The following ASAP1 variants were observed in gnomAD, a reference collection of about 807,000 sequenced individuals.
ASAP1 encodes arf-GAP with SH3 domain, ANK repeat and PH domain-containing protein 1.
Under a neutral mutation model 145.2 loss-of-function variants are expected in ASAP1, and 43 were observed. The ratio of observed to expected loss-of-function variants is 0.30; its 90% CI spans 0.23 to 0.38. The LOEUF is 0.38. Ranked by LOEUF, ASAP1 falls within the 10% of genes least tolerant of loss-of-function variation. The pLI is 1.00. For missense variants in ASAP1, 1,018 were observed against 1,355.3 expected, an observed-to-expected ratio of 0.75 and a Z score of 3.91; for synonymous variants, 546 against 515.5, an observed-to-expected ratio of 1.06 and a Z score of -0.80.
At chr8:130,342,380 C>T (rs1474828130) in intron 3 of ASAP1, among the ~76,000 whole-genome samples, 2 of 152,154 alleles carry the variant, frequency 1.3e-5, no homozygotes, top group South Asian at 2.1e-4. Flanking sequence ...GTAACAGAGG[C>T]CTTCTGTAAA....
rs201145957 is a variant in ASAP1 at position 130,093,408 on chromosome 8, TG to T, written c.2402-1266del. ...AGGACCAGGCACGGTGGCTCTCGCC[TG>T]TAACTCCAGCACTTTGAGAGGCCGA... is the stretch of plus-strand genomic sequence containing the variant. On this transcript the variant is annotated intron_variant, in intron 24 of 29. Transcript: ENST00000518721. 8.3e-3 allele frequency among the ~76,000 whole-genome samples: 1,267 copies of T among 152,264 alleles called. 19 individuals carry two copies. The highest frequency in any genetic ancestry group is 0.029 in the African/African-American group (1,220 of 41,560).
intron 3 of ASAP1, among the ~76,000 whole-genome samples, chr8:130,265,092 A>G (rs1055554594): frequency 6.6e-6 from 1 of 152,174 alleles, no homozygotes; most frequent in Admixed American, 6.5e-5. Context: ...TCATGGCAAC[A>G]AAGGGCTGCT....
intron 3 of ASAP1, among the ~76,000 whole-genome samples, chr8:130,251,120 T>C (rs879648550): frequency 6.6e-6 from 1 of 152,196 alleles, no homozygotes; most frequent in Non-Finnish European, 1.5e-5. Context: ...TATAGAACAC[T>C]AAATTTTTTA....
At chr8:130,402,605 A>C (rs1447114315) in intron 1 of ASAP1, among the ~76,000 whole-genome samples, 2 of 152,166 alleles carry the variant, frequency 1.3e-5, no homozygotes, top group Non-Finnish European at 1.5e-5. Flanking sequence ...AATTGAGCCA[A>C]GGGACCTCCT....
chr8:130,178,434 C>G (rs1814116521), intron 9 of ASAP1, among the ~76,000 whole-genome samples: 1 of 152,108 alleles, frequency 6.6e-6, no homozygotes, highest in African/African-American at 2.4e-5. Flanking sequence ...ACAAACATAA[C>G]AAAAAGATAG....
At chr8:130,313,885 C>T (rs34962169) in intron 3 of ASAP1, among the ~76,000 whole-genome samples, 8,258 of 152,214 alleles carry the variant, frequency 0.054, 258 homozygotes, top group Admixed American at 0.094. Flanking sequence ...CCACTGCACT[C>T]GACACCACGT....
intron 29 of ASAP1, among the ~76,000 whole-genome samples, chr8:130,056,040 C>T (rs1428278599): frequency 6.6e-6 from 1 of 152,230 alleles, no homozygotes; most frequent in Non-Finnish European, 1.5e-5. Flanking sequence ...CTTCCCATTC[C>T]CCGCAGGTAT....
chr8:130,363,206 T>C (rs1826797298), intron 2 of ASAP1, among the ~76,000 whole-genome samples: 1 of 152,170 alleles, frequency 6.6e-6, no homozygotes, highest in Admixed American at 6.5e-5. Context: ...TATGGGAACT[T>C]TGAAAACCTT....
chr8:130,201,431 G>T (rs1397962615), intron 5 of ASAP1, among the ~76,000 whole-genome samples: 1 of 152,192 alleles, frequency 6.6e-6, no homozygotes, highest in African/African-American at 2.4e-5. Context: ...AGGTCTAAGA[G>T]TACCAGGGAA....
chr8:130,150,544 G>C (rs1187467180), intron 13 of ASAP1, among the ~76,000 whole-genome samples: 1 of 152,150 alleles, frequency 6.6e-6, no homozygotes, highest in Non-Finnish European at 1.5e-5. Context: ...CAAATCCCAG[G>C]GGAGAGCTCT....
chr8:130,389,779 C>T (rs749960188), intron 2 of ASAP1, among the ~76,000 whole-genome samples: 37 of 152,228 alleles, frequency 2.4e-4, no homozygotes, highest in Non-Finnish European at 4.4e-4. Context: ...CGGCTCACTG[C>T]GGCCTCAACT....
At chr8:130,109,873 A>G (rs1199241908) in intron 24 of ASAP1, among the ~76,000 whole-genome samples, 1 of 152,234 alleles carries the variant, frequency 6.6e-6, no homozygotes, top group Non-Finnish European at 1.5e-5. Context: ...CAGACAGGCC[A>G]AATCTCTGAA....
At chr8:130,166,685 C>A (rs1006523137) in intron 11 of ASAP1, among the ~76,000 whole-genome samples, 1 of 152,002 alleles carries the variant, frequency 6.6e-6, no homozygotes, top group African/African-American at 2.4e-5. Flanking sequence ...AGCTTAGTAC[C>A]TAGAACTGTG....
chr8:130,295,259 G>C (rs1293158322), intron 3 of ASAP1, among the ~76,000 whole-genome samples: 1 of 152,130 alleles, frequency 6.6e-6, no homozygotes, highest in African/African-American at 2.4e-5. Flanking sequence ...CTCCAGCCTA[G>C]GCAACAGAGC....
At chr8:130,406,572 C>T (rs1443199038) in intron 1 of ASAP1, among the ~76,000 whole-genome samples, 1 of 151,834 alleles carries the variant, frequency 6.6e-6, no homozygotes, top group African/African-American at 2.4e-5. Context: ...ACCTCCGTCA[C>T]CCAGGTTCAA....
intron 4 of ASAP1, among the ~76,000 whole-genome samples, chr8:130,221,494 A>G (rs1586624348): frequency 6.6e-6 from 1 of 152,074 alleles, no homozygotes; most frequent in Non-Finnish European, 1.5e-5. Context: ...TTTCCCCCTT[A>G]TATTTATCTT....
At chr8:130,365,483 C>T (rs1013466628) in intron 2 of ASAP1, among the ~76,000 whole-genome samples, 1 of 152,034 alleles carries the variant, frequency 6.6e-6, no homozygotes, top group East Asian at 1.9e-4. Flanking sequence ...TCTATAGGAA[C>T]GAGGGATTTA....
intron 29 of ASAP1, among the ~76,000 whole-genome samples, chr8:130,055,683 T>A (rs2097402394): frequency 6.6e-6 from 1 of 152,188 alleles, no homozygotes; most frequent in African/African-American, 2.4e-5. Context: ...CCTGTAAAAA[T>A]TTTCTAATTA....
At chr8:130,137,747 G>C (rs1181305401) in intron 13 of ASAP1, among the ~76,000 whole-genome samples, 2 of 152,110 alleles carry the variant, frequency 1.3e-5, no homozygotes, top group African/African-American at 4.8e-5. Context: ...CAAATCTCTT[G>C]GTCACACATA....
Sources: allele counts gnomAD v4.1 joint callset (sites outside exome capture counted in the v4.1 genomes callset), GRCh38; gene constraint gnomAD v4.1.1; transcripts MANE v1.5; gene names NCBI Gene and HGNC (gene_info 2026-07-23, HGNC 2026-07-21).